TRIM27: variants seen among roughly 807,000 people sequenced by gnomAD.
The protein encoded by TRIM27 is zinc finger protein RFP.
Under a neutral mutation model 57.6 loss-of-function variants are expected in TRIM27, and 12 were observed. The observed-to-expected ratio is 0.21, with a 90% CI of 0.13 to 0.34. The LOEUF is 0.34. Ranked by LOEUF, TRIM27 falls within the 10% of genes least tolerant of loss-of-function variation. TRIM27 has a pLI of 1.00. For synonymous variants in TRIM27, 266 were observed against 259.0 expected (o/e 1.03, Z -0.26); for missense variants, 403 against 656.8 (o/e 0.61, Z 4.22).
In TRIM27 at chr6:28,903,673, C is replaced by A. The variant is rs1772555131; in HGVS notation, c.*397G>T. Reference sequence around the variant, plus strand: ...TAGGTTGTTAGAAAGGAGCCCTAGCCCAGAAATGACAGCAAATAGCCATAA... The same window carrying A: ...TAGGTTGTTAGAAAGGAGCCCTAGCACAGAAATGACAGCAAATAGCCATAA... On this transcript the variant is annotated 3_prime_UTR_variant, in exon 8 of 8. Transcript: ENST00000377199. The A allele has an allele frequency of 3.8e-6, 1 of 265,428 alleles. No individual in the cohort carries two copies. The highest frequency in any genetic ancestry group is 7.2e-6 in the Non-Finnish European group (1 of 138,532). 16.4% of individuals were successfully genotyped at this position (265,428 alleles called of 1,614,324 possible). A position where few individuals can be genotyped will look rare whatever the true frequency, so the allele number is the denominator to read the frequency against.
chr6:28,912,495 GAA>G (rs745645172), intron 3 of TRIM27, among the ~76,000 whole-genome samples: 2 of 136,396 alleles, frequency 1.5e-5, no homozygotes, highest in Admixed American at 7.3e-5. Context: ...TCTGTCTCAG[GAA>G]AAAAAAAAAA....
chr6:28,910,123 G>GAAAAAAAAAAAAAAAAAAAAAAAGAAA (rs9278120), intron 4 of TRIM27, among the ~76,000 whole-genome samples: 2 of 97,614 alleles, frequency 2.0e-5, no homozygotes, highest in Non-Finnish European at 4.4e-5. Context: ...AAAGAAAAAT[G>GAAAAAAAAAAAAAAAAAAAAAAAGAAA]AAAAAAAAAA....
intron 3 of TRIM27, among the ~76,000 whole-genome samples, chr6:28,919,726 G>A (rs998948506): frequency 2.0e-5 from 3 of 152,330 alleles, no homozygotes; most frequent in African/African-American, 7.2e-5. Context: ...AAAAGGTTGA[G>A]AGCCTTGCCT....
At chr6:28,911,756 ATT>A in intron 3 of TRIM27, 38 bp from the exon 4 acceptor site, 1 of 1,605,386 alleles carries the variant, frequency 6.2e-7, no homozygotes, top group Non-Finnish European at 8.5e-7. Context: ...ATGAGAAGTC[ATT>A]TAAAACTTCG....
At chr6:28,919,927 CA>C (rs1480790694) in intron 3 of TRIM27, 84 bp downstream of exon 3, 13 of 1,288,240 alleles carry the variant, frequency 1.0e-5, no homozygotes, top group South Asian at 2.9e-5. Flanking sequence ...AAAAAGAAGA[CA>C]GGGGGTCCTG....
Position 28,904,329 on chromosome 6 carries a change from G to T in TRIM27, c.1283C>A (p.Pro428His). 1 of 1,613,048 alleles carries T rather than the reference G, an allele frequency of 6.2e-7. No individual in the cohort carries two copies. The highest frequency in any genetic ancestry group is 8.5e-7 in the Non-Finnish European group (1 of 1,180,020). ...CACCCGCTGGAGCGGGGTCCGCAGG[G>T]GTAGGGCAGTCATTGGGGAGGTAAG... is the stretch of plus-strand genomic sequence containing the variant. ...WALTSPMTAL[P>H]LRTPLQRVGI... The change falls in exon 8 of 8, where the codon CCC becomes CAC. Residue 428 changes from proline to histidine, a missense_variant. Physicochemically the swap from Pro to His is moderately conservative, Grantham distance 77. Transcript: ENST00000377199. This position sits in a 1 kb window ranked among gnomAD's most constrained non-coding sequence, Gnocchi z 6.1.
intron 3 of TRIM27, among the ~76,000 whole-genome samples, chr6:28,912,167 T>C (rs1773256907): frequency 6.7e-6 from 1 of 150,204 alleles, no homozygotes; most frequent in African/African-American, 2.4e-5. Flanking sequence ...TGGAGTGCAA[T>C]GGCGCGATCT....
chr6:28,904,891 C>T lies in TRIM27; in HGVS notation c.947-226G>A. On this transcript the variant is annotated intron_variant, in intron 7 of 7. Coordinates refer to ENST00000377199, the MANE Select transcript of TRIM27 (RefSeq NM_006510.5). This position sits in a 1 kb window ranked among gnomAD's most constrained non-coding sequence, Gnocchi z 6.1. ...AATTTTAGCCCCGTATCTTTTCTTT[C>T]ACATCTGAAGCCACAATATCCATCA... 1 of 557,738 alleles carries T rather than the reference C, an allele frequency of 1.8e-6. No homozygotes were observed. The highest frequency in any genetic ancestry group is 3.2e-6 in the Non-Finnish European group (1 of 314,898). The allele number at this position is 557,738 out of a possible 1,614,324, so 34.5% of individuals were successfully genotyped here.
At chr6:28,905,223 G>A (rs1772680045) in intron 7 of TRIM27, 1 of 152,450 alleles carries the variant, frequency 6.6e-6, no homozygotes, top group African/African-American at 2.4e-5. Context: ...ACGCTGAATT[G>A]AGGTTTTCTT....
intron 2 of TRIM27, among the ~76,000 whole-genome samples, chr6:28,921,295 C>T (rs1011751058): frequency 5.3e-5 from 8 of 151,622 alleles, no homozygotes; most frequent in East Asian, 1.9e-4. Flanking sequence ...GTGGGAGAAT[C>T]GCTTGAACTG....
At position 28,904,286 on chromosome 6, in the gene TRIM27, A is replaced by G. The variant is rs1294252127; in HGVS notation, c.1326T>C (p.Tyr442=). The G allele has an allele frequency of 2.5e-6, 4 of 1,612,978 alleles. No homozygotes were observed. Among genetic ancestry groups the G allele is most frequent in the African/African-American group, 1.3e-5 (1 of 74,938 alleles). ...TGTAGAAGGAGACCTCACCAGCATCATAGTCCAAGAAAATCCCCACCCGCT... is the reference window on the plus strand; with the variant it reads ...TGTAGAAGGAGACCTCACCAGCATCGTAGTCCAAGAAAATCCCCACCCGCT... ...PLQRVGIFLD[Y]DAGEVSFYNV... is the part of the protein sequence containing the mutation. The change falls in exon 8 of 8, where the codon TAT becomes TAC. Residue 442 remains tyrosine (Y), a synonymous_variant. Coordinates refer to ENST00000377199, the MANE Select transcript of TRIM27 (RefSeq NM_006510.5). This position sits in a 1 kb window ranked among gnomAD's most constrained non-coding sequence, Gnocchi z 6.1.
chr6:28,912,375 G>A (rs772691209), intron 3 of TRIM27, among the ~76,000 whole-genome samples: 1 of 152,084 alleles, frequency 6.6e-6, no homozygotes, highest in Non-Finnish European at 1.5e-5. Context: ...CTCTCAAAGT[G>A]CTGGGATTAC....
intron 6 of TRIM27, chr6:28,907,596 C>A (rs1176632930): frequency 1.7e-6 from 1 of 594,920 alleles, no homozygotes; most frequent in South Asian, 1.5e-5. Context: ...AACCCCACGT[C>A]ATACATAACT....
At chr6:28,913,269 A>AAAAAATATATATATATAT (rs1554184215) in intron 3 of TRIM27, among the ~76,000 whole-genome samples, 25 of 135,578 alleles carry the variant, frequency 1.8e-4, no homozygotes, top group Non-Finnish European at 3.7e-4. Flanking sequence ...AAAAAAAAAA[A>AAAAAATATATATATATAT]ATATATATAT....
intron 4 of TRIM27, among the ~76,000 whole-genome samples, chr6:28,910,123 G>GAAAAAAAAAAA (rs9278120): frequency 4.1e-5 from 4 of 97,620 alleles, no homozygotes; most frequent in Admixed American, 1.2e-4. Context: ...AAAGAAAAAT[G>GAAAAAAAAAAA]AAAAAAAAAA....
At chr6:28,912,000 CTA>C (rs1415223412) in intron 3 of TRIM27, among the ~76,000 whole-genome samples, 1 of 152,072 alleles carries the variant, frequency 6.6e-6, no homozygotes, top group Non-Finnish European at 1.5e-5. Context: ...CTTAAGCGTC[CTA>C]TGATTGGACC....
At chr6:28,916,665 G>A (rs1167662796) in intron 3 of TRIM27, among the ~76,000 whole-genome samples, 1 of 152,144 alleles carries the variant, frequency 6.6e-6, no homozygotes, top group Non-Finnish European at 1.5e-5. Flanking sequence ...AGGGGTAGAA[G>A]GAAATGAGGA....
chr6:28,918,888 T>C (rs1451444480), intron 3 of TRIM27, among the ~76,000 whole-genome samples: 1 of 151,660 alleles, frequency 6.6e-6, no homozygotes, highest in Non-Finnish European at 1.5e-5. Context: ...AATAAATAAA[T>C]AATATTAAAT....
At chr6:28,921,377 TAAA>T (rs559386159) in intron 2 of TRIM27, among the ~76,000 whole-genome samples, 1 of 142,814 alleles carries the variant, frequency 7.0e-6, no homozygotes, top group Admixed American at 7.0e-5. Flanking sequence ...GACCCTGTCT[TAAA>T]AAAAAAAAAA....
Sources: allele counts gnomAD v4.1 joint callset (sites outside exome capture counted in the v4.1 genomes callset), GRCh38; gene constraint gnomAD v4.1.1; non-coding constraint Gnocchi (gnomAD v3.1); transcripts MANE v1.5; gene names NCBI Gene and HGNC (gene_info 2026-07-23, HGNC 2026-07-21).